The following SPAG9 variants were observed in gnomAD, a reference collection of about 807,000 sequenced individuals.
SPAG9 encodes the protein sperm associated antigen 9.
A neutral mutation model predicts 166.5 loss-of-function variants in SPAG9; 35 were observed. The observed-to-expected ratio is 0.21, with a 90% confidence interval of 0.16 to 0.28. The LOEUF is 0.28. Among genes scored for constraint, SPAG9 ranks in the 10% least tolerant of loss-of-function variants. The pLI, the probability that SPAG9 is intolerant of heterozygous loss-of-function variation, is 1.00. For synonymous variants in SPAG9, 534 were observed against 565.5 expected (o/e 0.94, Z 0.79); for missense variants, 1,235 against 1,603.3 (o/e 0.77, Z 3.92).
intron 16 of SPAG9, chr17:50,995,857 G>A (rs2044656430): frequency 8.6e-6 from 2 of 232,866 alleles, no homozygotes; most frequent in South Asian, 1.5e-4. Flanking sequence ...TAGAGATGAG[G>A]TCATGCTATG....
Position 50,966,134 on chromosome 17 carries a change from T to C in SPAG9, c.*138A>G. ...TGTTATGGTAGAACGGATTTTGTAA[T>C]ATAAAGTTAACAGGAAAAAATGCTC... On this transcript the variant is annotated 3_prime_UTR_variant, in exon 30 of 30. Transcript: ENST00000262013. The C allele has an allele frequency of 8.8e-6, 6 of 679,662 alleles. No homozygotes were observed. Among genetic ancestry groups the C allele is most frequent in the Non-Finnish European group, 1.6e-5 (6 of 376,206 alleles). The allele number at this position is 679,662 out of a possible 1,614,324, so 42.1% of individuals were successfully genotyped here. A position where few individuals can be genotyped will look rare whatever the true frequency, so the allele number is the denominator to read the frequency against.
chr17:51,059,079 C>T (rs2047434818), intron 2 of SPAG9, among the ~76,000 whole-genome samples: 1 of 152,096 alleles, frequency 6.6e-6, no homozygotes, highest in Non-Finnish European at 1.5e-5. Flanking sequence ...AAATTATTGC[C>T]ACACACAACA....
intron 1 of SPAG9, among the ~76,000 whole-genome samples, chr17:51,089,373 G>A (rs1005138235): frequency 6.6e-5 from 10 of 151,486 alleles, no homozygotes; most frequent in African/African-American, 1.7e-4. Flanking sequence ...GCACTGAGGT[G>A]AGACTGTGCC....
intron 1 of SPAG9, among the ~76,000 whole-genome samples, chr17:51,116,298 G>A (rs1045517089): frequency 2.6e-5 from 4 of 151,978 alleles, no homozygotes; most frequent in African/African-American, 9.7e-5. Context: ...CATCTGCCTC[G>A]GCCTCCCAAA....
At chr17:51,034,629 G>C (rs185320514) in intron 5 of SPAG9, among the ~76,000 whole-genome samples, 38 of 151,830 alleles carry the variant, frequency 2.5e-4, no homozygotes, top group African/African-American at 8.7e-4. Flanking sequence ...AGGGAAGGAG[G>C]GAAGAAGACA....
chr17:50,996,347 G>A (rs1269757789), intron 16 of SPAG9: 1 of 528,064 alleles, frequency 1.9e-6, no homozygotes, highest in Non-Finnish European at 3.3e-6. Flanking sequence ...ACCCTTTATT[G>A]ACTCCTCCCC....
intron 3 of SPAG9, among the ~76,000 whole-genome samples, chr17:51,048,052 T>C (rs995194744): frequency 6.6e-6 from 1 of 152,136 alleles, no homozygotes; most frequent in Non-Finnish European, 1.5e-5. Context: ...CTTTGACTGT[T>C]ACTGGTATCA....
chr17:51,047,718 A>G (rs1033279223), intron 3 of SPAG9, among the ~76,000 whole-genome samples: 2 of 150,944 alleles, frequency 1.3e-5, no homozygotes, highest in Non-Finnish European at 3.0e-5. Context: ...AAAAAAAAAA[A>G]CCCACTTTTT....
Position 51,120,501 on chromosome 17 carries a change from C to T in SPAG9, c.156G>A (p.Pro52=). 6.2e-7 allele frequency: 1 copy of T among 1,614,030 alleles called. No individual in the cohort carries two copies. The highest frequency in any genetic ancestry group is 1.1e-5 in the South Asian group (1 of 91,088). Residue 52 remains proline (P), a synonymous_variant, in exon 1 of 30, where the codon CCG becomes CCA. Coordinates refer to ENST00000262013, the MANE Select transcript of SPAG9 (RefSeq NM_001130528.3). The surrounding 1 kb of genome is among the most constrained non-coding windows in gnomAD (Gnocchi z 4.7). Reference sequence around the variant, plus strand: ...GGTTCTCCAGCACAGCCACCACCAGCGGCATCAGCTCTTTGACCACCTCCT... The same window carrying T: ...GGTTCTCCAGCACAGCCACCACCAGTGGCATCAGCTCTTTGACCACCTCCT... ...YDEEVVKELM[P]LVVAVLENLD...
intron 5 of SPAG9, 68 bp downstream of exon 5, chr17:51,041,433 G>C: frequency 2.1e-6 from 3 of 1,432,032 alleles, no homozygotes; most frequent in South Asian, 2.6e-5. Flanking sequence ...TGGTCGTCTA[G>C]CACTTCAATT....
chr17:51,104,305 A>G (rs1568091421), intron 1 of SPAG9, among the ~76,000 whole-genome samples: 2 of 152,292 alleles, frequency 1.3e-5, no homozygotes, highest in African/African-American at 2.4e-5. Context: ...TGTATGCCCA[A>G]TGAGCACAGT....
intron 1 of SPAG9, among the ~76,000 whole-genome samples, chr17:51,093,735 T>C (rs540645249): frequency 2.1e-5 from 3 of 145,012 alleles, no homozygotes; most frequent in South Asian, 4.5e-4. Flanking sequence ...AACAGATCCA[T>C]ACTATGGAAA....
chr17:51,118,332 T>A (rs1454748928), intron 1 of SPAG9, among the ~76,000 whole-genome samples: 4 of 152,224 alleles, frequency 2.6e-5, no homozygotes, highest in African/African-American at 9.6e-5. Context: ...ATAACCTATT[T>A]TTTTTAGAGT....
intron 6 of SPAG9, among the ~76,000 whole-genome samples, chr17:51,022,122 C>CAA (rs747116014): frequency 0.012 from 574 of 48,376 alleles, 12 homozygotes; most frequent in African/African-American, 0.036. Flanking sequence ...GACTCCATCT[C>CAA]AAAAAAAAAA....
intron 2 of SPAG9, among the ~76,000 whole-genome samples, chr17:51,067,624 G>A (rs1568057348): frequency 1.3e-5 from 2 of 151,752 alleles, no homozygotes; most frequent in Admixed American, 6.6e-5. Flanking sequence ...GAGATTAACT[G>A]GAAATAAACA....
intron 29 of SPAG9, among the ~76,000 whole-genome samples, chr17:50,968,829 TTCTTTGTACCTC>T (rs1431059576): frequency 6.6e-6 from 1 of 152,212 alleles, no homozygotes; most frequent in African/African-American, 2.4e-5. Context: ...TCTCCATGTT[TTCTTTGTACCTC>T]TCTGGCCATT....
chr17:51,098,358 G>C (rs1334257784), intron 1 of SPAG9, among the ~76,000 whole-genome samples: 1 of 151,934 alleles, frequency 6.6e-6, no homozygotes, highest in Non-Finnish European at 1.5e-5. Context: ...AATGGTTTCT[G>C]AATTAGAGGG....
intron 12 of SPAG9, among the ~76,000 whole-genome samples, 149 bp downstream of exon 12, chr17:51,005,058 GCAGAA>G (rs2045143792): frequency 6.6e-6 from 1 of 152,190 alleles, no homozygotes; most frequent in South Asian, 2.1e-4. Context: ...TGGATACCAT[GCAGAA>G]GCATGAGCTA....
intron 1 of SPAG9, among the ~76,000 whole-genome samples, 157 bp from the exon 2 acceptor site, chr17:51,079,861 A>C (rs1395487685): frequency 6.6e-6 from 1 of 152,208 alleles, no homozygotes; most frequent in African/African-American, 2.4e-5. Context: ...TATAAAAATT[A>C]AGTTTAAAAA....
Sources: gnomAD v4.1 joint callset for allele counts (sites outside exome capture counted in the v4.1 genomes callset) on GRCh38, gnomAD v4.1.1 for gene constraint, Gnocchi (gnomAD v3.1) non-coding constraint, MANE v1.5 for transcripts, NCBI Gene and HGNC (gene_info 2026-07-23, HGNC 2026-07-21) for gene names.